GPHN: variants seen among roughly 807,000 people sequenced by gnomAD.
The protein encoded by GPHN is gephyrin.
GPHN carries 17 observed loss-of-function variants against 95.5 expected under a neutral mutation model. The ratio of observed to expected loss-of-function variants is 0.18; its 90% CI spans 0.12 to 0.27. The LOEUF is 0.27. Ranked by LOEUF, GPHN falls within the 10% of genes least tolerant of loss-of-function variation. The pLI is 1.00. For missense variants in GPHN, 660 were observed against 978.1 expected, an observed-to-expected ratio of 0.67 and a Z score of 4.34; for synonymous variants, 320 against 322.5, an observed-to-expected ratio of 0.99 and a Z score of 0.08.
chr14:67,531,949 T>G, the GPHN span, among the ~76,000 whole-genome samples: 10 of 149,542 alleles, frequency 6.7e-5, 1 homozygote, highest in Non-Finnish European at 1.3e-4. Flanking sequence ...AATGAATTAA[T>G]GTCTTCTTAG....
At chr14:67,405,269 T>C in the GPHN span, among the ~76,000 whole-genome samples, 1 of 151,994 alleles carries the variant, frequency 6.6e-6, no homozygotes, top group African/African-American at 2.4e-5. Flanking sequence ...ATTTTCATTT[T>C]CATTTCCTTG....
chr14:67,001,449 T>C (rs944854247), intron 9 of GPHN, among the ~76,000 whole-genome samples: 4 of 151,604 alleles, frequency 2.6e-5, no homozygotes, highest in Non-Finnish European at 1.5e-5. Context: ...CAGCTGCTGT[T>C]TGAATGTCTT....
At chr14:67,222,866 C>G in the GPHN span, among the ~76,000 whole-genome samples, 8 of 152,056 alleles carry the variant, frequency 5.3e-5, no homozygotes, top group African/African-American at 9.7e-5. Context: ...AAAAAAAATA[C>G]TGCTTCAAAA....
In GPHN at chr14:66,692,213, T is replaced by C. The variant is rs112378110; in HGVS notation, c.143+11028T>C. Among the ~76,000 whole-genome samples, 551 of 152,292 alleles carry C rather than the reference T, an allele frequency of 3.6e-3. 10 individuals carry two copies. The highest frequency in any genetic ancestry group is 0.013 in the African/African-American group (525 of 41,568). ...TTCTTATAGTCCTGGGTGCTTTCTG[T>C]TATTTACCTCCTGACTGTAAAACAT... On this transcript the variant is annotated intron_variant, in intron 2 of 22. Coordinates refer to ENST00000478722, the MANE Select transcript of GPHN (RefSeq NM_020806.5).
intron 3 of GPHN, among the ~76,000 whole-genome samples, chr14:66,819,915 C>G (rs1383355513): frequency 1.3e-5 from 2 of 151,994 alleles, no homozygotes; most frequent in African/African-American, 4.8e-5. Context: ...TTTTCTGAAG[C>G]TAATATATAG....
At chr14:66,731,947 G>C (rs965125703) in intron 2 of GPHN, among the ~76,000 whole-genome samples, 2 of 152,222 alleles carry the variant, frequency 1.3e-5, no homozygotes, top group African/African-American at 2.4e-5. Context: ...GCTTCAGAGG[G>C]TGCAAGCCCC....
intron 2 of GPHN, among the ~76,000 whole-genome samples, chr14:66,729,568 A>G (rs1255520021): frequency 6.6e-6 from 1 of 152,228 alleles, no homozygotes; most frequent in African/African-American, 2.4e-5. Context: ...TCTTTCTTGG[A>G]TGATGGAAAT....
chr14:66,885,345 G>A (rs1343464253), intron 5 of GPHN, among the ~76,000 whole-genome samples: 1 of 152,074 alleles, frequency 6.6e-6, no homozygotes, highest in African/African-American at 2.4e-5. Context: ...AAGGCTTATG[G>A]CTTACTGGAA....
the GPHN span, chr14:67,729,665 A>C: frequency 8.4e-6 from 5 of 593,016 alleles, no homozygotes; most frequent in South Asian, 8.1e-5. Flanking sequence ...GCTGTTGGTT[A>C]TGCCATGGAG....
At chr14:67,642,664 T>C in the GPHN span, among the ~76,000 whole-genome samples, 11 of 152,274 alleles carry the variant, frequency 7.2e-5, no homozygotes, top group Non-Finnish European at 1.5e-4. Flanking sequence ...CCTGGAAAGC[T>C]TTCTTGAGAC....
chr14:66,676,318 T>C (rs2153389629), intron 1 of GPHN, among the ~76,000 whole-genome samples: 1 of 152,260 alleles, frequency 6.6e-6, no homozygotes, highest in South Asian at 2.1e-4. Flanking sequence ...TGTGGCCTAA[T>C]TTTTCTTACA....
At chr14:67,098,667 CA>C (rs1595126193) in intron 12 of GPHN, among the ~76,000 whole-genome samples, 1 of 151,838 alleles carries the variant, frequency 6.6e-6, no homozygotes, top group East Asian at 1.9e-4. Context: ...AAATAAAATA[CA>C]AAAATTAGCC....
Position 67,111,874 on chromosome 14 carries a change from T to C in GPHN, c.1427T>C (p.Leu476Pro). 6.2e-7 allele frequency: 1 copy of C among 1,613,182 alleles called. No individual in the cohort carries two copies. Among genetic ancestry groups the C allele is most frequent in the Non-Finnish European group, 8.5e-7 (1 of 1,179,138 alleles). The change falls in exon 15 of 23, where the codon CTT (leucine) becomes CCT (proline). Residue 476 changes from leucine to proline, a missense_variant. This residue lies in a region of GPHN where 257 missense variants were observed against 376.2 expected (regional missense o/e 0.68). Transcript: ENST00000478722. ...CTGTTATTATAGGGCACTGAAGAAC[T>C]TGAAGTGCGAATTCTGGTGCAAGCT... ...IRESDDGTEE[L>P]EVRILVQARP...
chr14:67,267,347 C>T, the GPHN span, among the ~76,000 whole-genome samples: 7 of 152,016 alleles, frequency 4.6e-5, no homozygotes, highest in Non-Finnish European at 1.0e-4. Context: ...CAACCTCTGC[C>T]TCCCAGGTTC....
At chr14:67,712,111 G>A in the GPHN span, among the ~76,000 whole-genome samples, 9 of 151,966 alleles carry the variant, frequency 5.9e-5, no homozygotes, top group Non-Finnish European at 8.8e-5. Flanking sequence ...GTAGAGACAC[G>A]GTTTCACCAT....
chr14:66,699,295 A>G lies in GPHN; in HGVS notation c.143+18110A>G, dbSNP rs576521947. Among the ~76,000 whole-genome samples the G allele has an allele frequency of 1.1e-4, 16 of 152,266 alleles. No homozygotes were observed. In the South Asian group the frequency reaches 3.1e-3, roughly 30 times the overall value. On this transcript the variant is annotated intron_variant, in intron 2 of 22. Coordinates refer to ENST00000478722, the MANE Select transcript of GPHN (RefSeq NM_020806.5). The stretch of plus-strand genomic sequence containing the variant: ...CAGCACACCAACATGGCACATGTAT[A>G]CATATGTAACAAACCTGCACATTGT...
intron 1 of GPHN, among the ~76,000 whole-genome samples, chr14:66,524,291 T>C (rs2058597235): frequency 6.6e-6 from 1 of 152,094 alleles, no homozygotes; most frequent in Non-Finnish European, 1.5e-5. Flanking sequence ...TGATTTGTAG[T>C]AGAGGAACTT....
intron 8 of GPHN, among the ~76,000 whole-genome samples, chr14:66,945,762 G>A (rs1276025919): frequency 6.6e-6 from 1 of 152,134 alleles, no homozygotes; most frequent in Non-Finnish European, 1.5e-5. Context: ...GACAGGGAGA[G>A]CATTAACAGT....
At chr14:67,397,631 G>A in the GPHN span, 3 of 1,581,990 alleles carry the variant, frequency 1.9e-6, no homozygotes, top group South Asian at 2.3e-5. Flanking sequence ...GTGGAACAGA[G>A]AGGAGCTGGA....
Sources: gnomAD v4.1 joint callset for allele counts (sites outside exome capture counted in the v4.1 genomes callset) on GRCh38, gnomAD v4.1.1 for gene constraint, gnomAD v4.1.1 regional missense constraint, MANE v1.5 for transcripts, NCBI Gene and HGNC (gene_info 2026-07-23, HGNC 2026-07-21) for gene names.